Variants in TMED4 observed in about 807,000 individuals in gnomAD.
TMED4 encodes the protein transmembrane p24 trafficking protein 4, also known as transmembrane emp24 domain-containing protein 4.
A neutral mutation model predicts 26.5 loss-of-function variants in TMED4; 19 were observed. That is an observed-to-expected ratio of 0.72 (90% CI 0.50 to 1.05). TMED4 has a LOEUF of 1.05. Among genes scored for constraint, TMED4 ranks in the 50% least tolerant of loss-of-function variants. TMED4 has a pLI of 0.00. For missense variants in TMED4, 303 were observed against 302.5 expected, an observed-to-expected ratio of 1.00 and a Z score of -0.01; for synonymous variants, 121 against 119.8, an observed-to-expected ratio of 1.01 and a Z score of -0.07.
chr7:44,581,627 G>T, intron 2 of TMED4, 53 bp from the exon 3 acceptor site: 1 of 1,613,984 alleles, frequency 6.2e-7, no homozygotes, highest in South Asian at 1.1e-5. Flanking sequence ...CTCTCCAAGT[G>T]CAAGTTCCTG....
At position 44,581,255 on chromosome 7, in the gene TMED4, G is replaced by T. The variant is rs1370943973; in HGVS notation, c.388-16C>A. The T allele has an allele frequency of 6.2e-7, 1 of 1,613,692 alleles. No individual in the cohort carries two copies. The highest frequency in any genetic ancestry group is 8.5e-7 in the Non-Finnish European group (1 of 1,179,788). ...GATGCACCCGCTACAAGGAAACATG[G>T]AATGTATGAGTGGTGGGGCCTCCAG... On this transcript the variant is annotated splice_polypyrimidine_tract_variant and intron_variant, in intron 3 of 4. Coordinates refer to ENST00000457408, the MANE Select transcript of TMED4 (RefSeq NM_182547.4).
Position 44,582,172 on chromosome 7 carries a change from ATCGCCCG to A in TMED4, c.28_34del (p.Arg10TrpfsTer70). On this transcript the variant is annotated frameshift_variant, in exon 1 of 5. Coordinates refer to ENST00000457408, the MANE Select transcript of TMED4 (RefSeq NM_182547.4). LOFTEE classifies it high-confidence loss of function. ...GAGAAGCAGCAGGGCCTGCCGCCCC[ATCGCCCG>A]CAGAGGCCCAGCCCCGACACCTGCC... 6.5e-7 allele frequency: 1 copy of A among 1,548,348 alleles called. No homozygotes were observed. The highest frequency in any genetic ancestry group is 8.7e-7 in the Non-Finnish European group (1 of 1,146,226).
At chr7:44,581,959 C>A in intron 1 of TMED4, 88 bp downstream of exon 1, 6 of 1,528,050 alleles carry the variant, frequency 3.9e-6, no homozygotes, top group Non-Finnish European at 5.3e-6. Flanking sequence ...ACTGGGGGAG[C>A]CAGCGACCCG....
rs563895528 is a variant in TMED4 at position 44,579,626 on chromosome 7, A to G, written c.537T>C (p.Tyr179=). The G allele has an allele frequency of 1.5e-5, 25 of 1,613,632 alleles. No homozygotes were observed. The South Asian group carries it at 2.5e-4, about 16-fold the overall frequency. Reference sequence around the variant, plus strand: ...TCGTCAGTCGGAAGCGCTCTTCACGATACTGTGTGGGGCAACACAGGGTTA... The same window carrying G: ...TCGTCAGTCGGAAGCGCTCTTCACGGTACTGTGTGGGGCAACACAGGGTTA... ...QIQKEQDYQR[Y]REERFRLTSE... The change falls in exon 5 of 5, where the codon TAT becomes TAC. Residue 179 remains tyrosine (Y), a splice_region_variant and synonymous_variant. Transcript: ENST00000457408.
At position 44,582,167 on chromosome 7, in the gene TMED4, G is replaced by A. The variant is rs1031788697; in HGVS notation, c.40C>T (p.Arg14Trp). Residue 14 changes from arginine (R) to tryptophan (W), a missense_variant, in exon 1 of 5, where the codon CGG (arginine) becomes TGG (tryptophan). By Grantham distance (101) the Arg-to-Trp change is moderately radical. Transcript: ENST00000457408. ...AGCGCGAGAAGCAGCAGGGCCTGCCGCCCCATCGCCCGCAGAGGCCCAGCC... is the reference window on the plus strand; with the variant it reads ...AGCGCGAGAAGCAGCAGGGCCTGCCACCCCATCGCCCGCAGAGGCCCAGCC... ...VGAGPLRAMG[R>W]QALLLLALCA... 1.3e-5 allele frequency: 20 copies of A among 1,547,048 alleles called. No individual in the cohort carries two copies. Among genetic ancestry groups the A allele is most frequent in the African/African-American group, 1.2e-4 (9 of 72,884 alleles).
Position 44,579,379 on chromosome 7 carries a change from CTT to C in TMED4, c.*98_*99del. On this transcript the variant is annotated 3_prime_UTR_variant, in exon 5 of 5. Transcript: ENST00000457408. ...GGCCATGGAACCAATGTGACTTATT[CTT>C]TTTCATTTTTTTCCCTAAAAATCCA... 7.3e-7 allele frequency: 1 copy of C among 1,370,358 alleles called. No individual in the cohort carries two copies. The allele number at this position is 1,370,358 out of a possible 1,614,324, so 84.9% of individuals were successfully genotyped here.
Position 44,579,520 on chromosome 7 carries a change from G to C in TMED4, c.643C>G (p.Arg215Gly). ...GCCTCAAAGAAGCTCTTGAGGTGAC[G>C]CATCTGCCAGATGCCAGTGAGGATG... Reference protein sequence around the residue: ...ILILTGIWQMRHLKSFFEAKK... With the variant: ...ILILTGIWQMGHLKSFFEAKK... The change falls in exon 5 of 5, where the codon CGT becomes GGT. Residue 215 changes from arginine to glycine, a missense_variant. By Grantham distance (125) the Arg-to-Gly change is moderately radical (BLOSUM62 -2). Transcript: ENST00000457408. The C allele has an allele frequency of 1.2e-6, 2 of 1,614,128 alleles. No individual in the cohort carries two copies. The highest frequency in any genetic ancestry group is 1.1e-5 in the South Asian group (1 of 91,084).
In TMED4 at chr7:44,579,569, C is replaced by CCA. The variant is rs1489512161; in HGVS notation, c.592_593dup (p.Trp198CysfsTer37). The CCA allele has an allele frequency of 4.3e-6, 7 of 1,614,174 alleles. No individual in the cohort carries two copies. The highest frequency in any genetic ancestry group is 5.9e-6 in the Non-Finnish European group (7 of 1,180,022). On this transcript the variant is annotated frameshift_variant, in exon 5 of 5. Transcript: ENST00000457408. LOFTEE classifies it high-confidence loss of function. Reference sequence around the variant, plus strand: ...TGAGGATGACAGTCTGAGCAATGGACCACCATAGGACCCTCTGGTTGGTGC... The same window carrying CCA: ...TGAGGATGACAGTCTGAGCAATGGACCACACCATAGGACCCTCTGGTTGGTGC...
chr7:44,581,483 G>A lies in TMED4; in HGVS notation c.353C>T (p.Ser118Phe). ...ACCAGCGAAGAGAGCCATCCTGGTA[G>A]AATTGGAGTGCAGACAGATTTGATG... ...GDHQICLHSN[S>F]TRMALFAGGK... Residue 118 changes from serine (S) to phenylalanine (F), a missense_variant, in exon 3 of 5, where the codon TCT (serine) becomes TTT (phenylalanine). Coordinates refer to ENST00000457408, the MANE Select transcript of TMED4 (RefSeq NM_182547.4). The A allele has an allele frequency of 6.2e-7, 1 of 1,614,234 alleles. No individual in the cohort carries two copies. Among genetic ancestry groups the A allele is most frequent in the South Asian group, 1.1e-5 (1 of 91,086 alleles).
At chr7:44,579,696 C>G in intron 4 of TMED4, 68 bp from the exon 5 acceptor site, 2 of 1,542,628 alleles carry the variant, frequency 1.3e-6, no homozygotes, top group Non-Finnish European at 1.8e-6. Flanking sequence ...TCCCTCCCTG[C>G]GTGTAATTAC....
intron 4 of TMED4, chr7:44,580,612 C>T (rs1468267076): frequency 6.2e-6 from 1 of 161,658 alleles, no homozygotes; most frequent in Non-Finnish European, 1.4e-5. Context: ...TAAAATGACA[C>T]ATTTGGTGTT....
Position 44,578,416 on chromosome 7 carries a change from A to G in TMED4, c.*1063T>C, listed in dbSNP as rs1208375282. 6.6e-6 allele frequency: 1 copy of G among 152,254 alleles called. No homozygotes were observed. Among genetic ancestry groups the G allele is most frequent in the Non-Finnish European group, 1.5e-5 (1 of 68,052 alleles). 9.4% of individuals were successfully genotyped at this position (152,254 alleles called of 1,614,324 possible). On this transcript the variant is annotated 3_prime_UTR_variant, in exon 5 of 5. Coordinates refer to ENST00000457408, the MANE Select transcript of TMED4 (RefSeq NM_182547.4). Reference sequence around the variant, plus strand: ...TAAATAAAAGTTGAGAAGGAGGGTAAGAGTGCATTGCCCCATTCTAGCTCT... The same window carrying G: ...TAAATAAAAGTTGAGAAGGAGGGTAGGAGTGCATTGCCCCATTCTAGCTCT...
At chr7:44,581,320 C>A in intron 3 of TMED4, 81 bp from the exon 4 acceptor site, 1 of 1,598,400 alleles carries the variant, frequency 6.3e-7, no homozygotes. Flanking sequence ...TTGTCCCTGG[C>A]TGTGGAGCAG....
chr7:44,581,471 G>A lies in TMED4; in HGVS notation c.365C>T (p.Ala122Val). 1 of 1,614,244 alleles carries A rather than the reference G, an allele frequency of 6.2e-7. No individual in the cohort carries two copies. The highest frequency in any genetic ancestry group is 1.1e-5 in the South Asian group (1 of 91,088). Residue 122 changes from alanine (A) to valine (V), a missense_variant, in exon 3 of 5, where the codon GCT (alanine) becomes GTT (valine). Coordinates refer to ENST00000457408, the MANE Select transcript of TMED4 (RefSeq NM_182547.4). ...ICLHSNSTRM[A>V]LFAGGKLRVH... is the part of the protein sequence containing the mutation. ...TACCAGTTTGCCACCAGCGAAGAGA[G>A]CCATCCTGGTAGAATTGGAGTGCAG...
Position 44,579,504 on chromosome 7 carries a change from A to G in TMED4, c.659T>C (p.Phe220Ser). Residue 220 changes from phenylalanine to serine, a missense_variant, in exon 5 of 5, where the codon TTC becomes TCC. Coordinates refer to ENST00000457408, the MANE Select transcript of TMED4 (RefSeq NM_182547.4). ...GIWQMRHLKS[F>S]FEAKKLV The stretch of plus-strand genomic sequence containing the variant: ...CTACACCAGCTTCTTGGCCTCAAAG[A>G]AGCTCTTGAGGTGACGCATCTGCCA... 1 of 1,613,996 alleles carries G rather than the reference A, an allele frequency of 6.2e-7. No individual in the cohort carries two copies. The highest frequency in any genetic ancestry group is 8.5e-7 in the Non-Finnish European group (1 of 1,179,922).
chr7:44,579,436 C>A lies in TMED4; in HGVS notation c.*43G>T. 3 of 1,586,944 alleles carry A rather than the reference C, an allele frequency of 1.9e-6. No homozygotes were observed. Among genetic ancestry groups the A allele is most frequent in the South Asian group, 1.1e-5 (1 of 88,984 alleles). On this transcript the variant is annotated 3_prime_UTR_variant, in exon 5 of 5. Transcript: ENST00000457408. ...GATAAAGGACTGTGTGGGGAAAGTA[C>A]CAAATAAATGAGGTAAAAAGGAAGG... is the stretch of plus-strand genomic sequence containing the variant.
Position 44,580,865 on chromosome 7 carries a change from T to A in TMED4, c.534+228A>T. ...AGGAGGCTGAGGCAGGAGAATCGCT[T>A]GAACCTGGGGAGGCGGAGGTTGCAG... On this transcript the variant is annotated intron_variant, in intron 4 of 4. Transcript: ENST00000457408. 3 of 452,990 alleles carry A rather than the reference T, an allele frequency of 6.6e-6. No individual in the cohort carries two copies. The South Asian group carries it at 7.2e-5, about 11-fold the overall frequency. The allele number at this position is 452,990 out of a possible 1,614,324, so 28.1% of individuals were successfully genotyped here.
chr7:44,582,222 A>G lies in TMED4; in HGVS notation c.-16T>C, dbSNP rs1562592046. The G allele has an allele frequency of 2.0e-6, 3 of 1,534,186 alleles. No homozygotes were observed. The highest frequency in any genetic ancestry group is 2.6e-6 in the Non-Finnish European group (3 of 1,144,286). On this transcript the variant is annotated 5_prime_UTR_variant, in exon 1 of 5. Coordinates refer to ENST00000457408, the MANE Select transcript of TMED4 (RefSeq NM_182547.4). Reference sequence around the variant, plus strand: ...CACCTGCCATCGCGCCTCAGCCCCTAAGCGCCTGCGCACATTTGCGCATCG... The same window carrying G: ...CACCTGCCATCGCGCCTCAGCCCCTGAGCGCCTGCGCACATTTGCGCATCG...
rs201894102 is a variant in TMED4 at position 44,582,111 on chromosome 7, G to A, written c.96C>T (p.Phe32=). ...LCATGAQGLY[F]HIGETEKRCF... is the part of the protein sequence containing the mutation. ...AGCGCTTCTCGGTCTCGCCGATGTG[G>A]AAGTAGAGCCCCTGGGCGCCTGTGG... The change falls in exon 1 of 5, where the codon TTC becomes TTT. Residue 32 remains phenylalanine (F), a synonymous_variant. Coordinates refer to ENST00000457408, the MANE Select transcript of TMED4 (RefSeq NM_182547.4). The A allele has an allele frequency of 5.8e-6, 9 of 1,559,918 alleles. No individual in the cohort carries two copies. In the East Asian group the frequency reaches 1.9e-4, roughly 34 times the overall value.
Sources: gnomAD v4.1 joint callset for allele counts on GRCh38, gnomAD v4.1.1 for gene constraint, MANE v1.5 for transcripts, NCBI Gene and HGNC (gene_info 2026-07-23, HGNC 2026-07-21) for gene names.